MFN1: variants seen among roughly 807,000 people sequenced by gnomAD.
MFN1 encodes the protein mitofusin 1.
MFN1 carries 65 observed loss-of-function variants against 92.4 expected under a neutral mutation model. The observed-to-expected ratio is 0.70, with a 90% CI of 0.58 to 0.86. The LOEUF (loss-of-function observed/expected upper bound fraction) is 0.86, where lower values mean the gene tolerates loss of function less well. Ranked by LOEUF, MFN1 falls within the 40% of genes least tolerant of loss-of-function variation. The pLI is 0.00. For missense variants in MFN1, 781 were observed against 868.0 expected, an observed-to-expected ratio of 0.90 and a Z score of 1.26; for synonymous variants, 297 against 300.9, an observed-to-expected ratio of 0.99 and a Z score of 0.13.
At chr3:179,366,416 C>T (rs1257849463) in intron 7 of MFN1, among the ~76,000 whole-genome samples, 1 of 151,228 alleles carries the variant, frequency 6.6e-6, no homozygotes, top group Non-Finnish European at 1.5e-5. Context: ...TTAGTCACAC[C>T]AATTGTAGAA....
rs142767374 is a variant in MFN1 at position 179,383,286 on chromosome 3, T to C, written c.1663-2283T>C. Among the ~76,000 whole-genome samples the C allele has an allele frequency of 4.7e-3, 719 of 152,358 alleles. 20 individuals are homozygous for C. In the East Asian group the frequency reaches 0.053, roughly 11 times the overall value. ...GGATCCAGTTTCAGCTTTGTACATA[T>C]AGCTAGCCAGTTTTCCCAGCACCAT... is the stretch of plus-strand genomic sequence containing the variant. On this transcript the variant is annotated intron_variant, in intron 14 of 17. Coordinates refer to ENST00000471841, the MANE Select transcript of MFN1 (RefSeq NM_033540.3).
chr3:179,375,092 T>C, intron 9 of MFN1, 128 bp from the exon 10 acceptor site: 5 of 1,048,482 alleles, frequency 4.8e-6, no homozygotes, highest in Non-Finnish European at 6.5e-6. Context: ...TGTGCTTTTA[T>C]CACTCATTTG....
At chr3:179,389,477 C>G (rs963556594) in intron 16 of MFN1, among the ~76,000 whole-genome samples, 1 of 151,908 alleles carries the variant, frequency 6.6e-6, no homozygotes, top group African/African-American at 2.4e-5. Flanking sequence ...TAATATTTAA[C>G]AAAATATTAA....
chr3:179,367,882 C>T (rs1577008079), intron 8 of MFN1, among the ~76,000 whole-genome samples, 154 bp from the exon 9 acceptor site: 1 of 150,082 alleles, frequency 6.7e-6, no homozygotes, highest in East Asian at 2.0e-4. Context: ...AAGATTGCGC[C>T]ATTGCACTCC....
Position 179,356,923 on chromosome 3 carries a change from T to TG in MFN1, c.249-1910dup, listed in dbSNP as rs552060862. Among the ~76,000 whole-genome samples the TG allele has an allele frequency of 3.0e-4, 45 of 152,086 alleles. No individual in the cohort carries two copies. The East Asian group carries it at 7.0e-3, about 24-fold the overall frequency. ...ATCGTAGGGTCACCAAATGAGGAGA[T>TG]GGGGGGGAACCTTAATCCATCTCCC... On this transcript the variant is annotated intron_variant, in intron 3 of 17. Transcript: ENST00000471841.
chr3:179,379,057 A>G (rs1035504257), intron 14 of MFN1, among the ~76,000 whole-genome samples: 6 of 152,212 alleles, frequency 3.9e-5, no homozygotes, highest in African/African-American at 9.6e-5. Context: ...CCAGACCTCA[A>G]TGAGGTCATA....
rs1714010699 is a variant in MFN1 at position 179,394,301 on chromosome 3, TAG to T, written c.*2243_*2244del. On this transcript the variant is annotated 3_prime_UTR_variant, in exon 18 of 18. Coordinates refer to ENST00000471841, the MANE Select transcript of MFN1 (RefSeq NM_033540.3). ...AGTGAAATTGGGGTACCACTGGTAT[TAG>T]GTTTGGTATGGCAACTTTTTCATCA... is the stretch of plus-strand genomic sequence containing the variant. The T allele has an allele frequency of 6.6e-6, 1 of 152,154 alleles. No homozygotes were observed. The highest frequency in any genetic ancestry group is 1.5e-5 in the Non-Finnish European group (1 of 68,050). The allele number at this position is 152,154 out of a possible 1,614,324, so 9.4% of individuals were successfully genotyped here. A position where few individuals can be genotyped will look rare whatever the true frequency, so the allele number is the denominator to read the frequency against.
intron 5 of MFN1, 53 bp from the exon 6 acceptor site, chr3:179,364,244 C>T (rs894334426): frequency 3.1e-6 from 4 of 1,270,504 alleles, no homozygotes; most frequent in African/African-American, 1.6e-5. Context: ...AATTCTGTAA[C>T]CCAAATTTTC....
In MFN1 at chr3:179,361,539, T is replaced by TA. The variant is rs1217733638; in HGVS notation, c.412-819_412-818insA. The stretch of plus-strand genomic sequence containing the variant: ...GTGTACCCAAATGTTTATCTCTCAC[T>TA]TTTTTTTTTTTTTTGGAGACAGAGT... On this transcript the variant is annotated intron_variant, in intron 4 of 17. Coordinates refer to ENST00000471841, the MANE Select transcript of MFN1 (RefSeq NM_033540.3). 5.8e-5 allele frequency among the ~76,000 whole-genome samples: 8 copies of TA among 137,320 alleles called. No homozygotes were observed. The East Asian group carries it at 1.1e-3, about 18-fold the overall frequency. 90.1% of individuals were successfully genotyped at this position (137,320 alleles called of 152,430 possible).
chr3:179,383,326 A>C (rs1382202242), intron 14 of MFN1, among the ~76,000 whole-genome samples: 2 of 152,198 alleles, frequency 1.3e-5, no homozygotes, highest in Non-Finnish European at 2.9e-5. Flanking sequence ...TAAATAGGGA[A>C]TCCTTTCCCC....
chr3:179,380,312 A>T (rs910506248), intron 14 of MFN1, among the ~76,000 whole-genome samples: 2 of 152,242 alleles, frequency 1.3e-5, no homozygotes, highest in Non-Finnish European at 2.9e-5. Flanking sequence ...GACAGCCCCT[A>T]CAAGAATAAA....
chr3:179,358,995 G>A lies in MFN1; in HGVS notation c.404G>A (p.Ser135Asn), dbSNP rs983490620. The change falls in exon 4 of 18, where the codon AGT (serine) becomes AAT (asparagine). Residue 135 changes from serine (S) to asparagine (N), a missense_variant. Ser to Asn is a conservative substitution (Grantham distance 46). Coordinates refer to ENST00000471841, the MANE Select transcript of MFN1 (RefSeq NM_033540.3). ...LMTEGSDEKK[S>N]VKTVNQLAHA... Reference sequence around the variant, plus strand: ...ACAGAAGGATCAGATGAAAAAAAGAGTGTGAAGGTATGATCTTTAACCTTT... The same window carrying A: ...ACAGAAGGATCAGATGAAAAAAAGAATGTGAAGGTATGATCTTTAACCTTT... The A allele has an allele frequency of 2.5e-6, 4 of 1,613,402 alleles. No homozygotes were observed. In the African/African-American group the frequency reaches 5.3e-5, roughly 22 times the overall value.
At chr3:179,353,137 T>G (rs1037464073) in intron 3 of MFN1, among the ~76,000 whole-genome samples, 2 of 146,896 alleles carry the variant, frequency 1.4e-5, no homozygotes, top group African/African-American at 5.1e-5. Context: ...CACTGCAACC[T>G]CCGCCTCCCG....
chr3:179,374,251 C>T (rs901778538), intron 9 of MFN1, among the ~76,000 whole-genome samples: 10 of 149,414 alleles, frequency 6.7e-5, no homozygotes, highest in Admixed American at 2.7e-4. Flanking sequence ...TGCAGTGAGT[C>T]GAGATCATGC....
intron 2 of MFN1, among the ~76,000 whole-genome samples, chr3:179,349,254 T>C (rs1441365960): frequency 1.3e-5 from 2 of 152,186 alleles, no homozygotes; most frequent in Admixed American, 1.3e-4. Context: ...ATCTGTCATT[T>C]TAAAGATGAA....
chr3:179,361,112 C>T (rs1043674298), intron 4 of MFN1, among the ~76,000 whole-genome samples: 4 of 151,860 alleles, frequency 2.6e-5, no homozygotes, highest in Admixed American at 6.6e-5. Context: ...GACACTGTCT[C>T]GAAAAGAAAA....
intron 7 of MFN1, among the ~76,000 whole-genome samples, chr3:179,366,036 G>A (rs1340744076): frequency 6.6e-6 from 1 of 152,180 alleles, no homozygotes; most frequent in African/African-American, 2.4e-5. Context: ...CAGTGTGGAG[G>A]ATGGACAGTT....
rs375667713 is a variant in MFN1, at chr3:179,386,430, C to T, written c.1816-3C>T. On this transcript the variant is annotated splice_polypyrimidine_tract_variant and splice_region_variant and intron_variant, in intron 15 of 17. Coordinates refer to ENST00000471841, the MANE Select transcript of MFN1 (RefSeq NM_033540.3). ...CAGACTAAGCTATGACTTTATCTTA[C>T]AGATTTGGAAAACTATAGGCTGGAA... 3.1e-6 allele frequency: 5 copies of T among 1,609,144 alleles called. No homozygotes were observed. The highest frequency in any genetic ancestry group is 1.1e-5 in the South Asian group (1 of 90,298).
rs758761515 is a variant in MFN1, at chr3:179,378,634, A to G, written c.1482A>G (p.Thr494=). The G allele has an allele frequency of 1.9e-6, 3 of 1,613,592 alleles. No homozygotes were observed. Among genetic ancestry groups the G allele is most frequent in the Admixed American group, 1.7e-5 (1 of 59,986 alleles). ...LPAGIQDKLH[T]LIPCKKFDLS... ...CTGGTATACAGGATAAACTACATACACTGATCCCTTGCAAGAAATTTGATC... is the reference window on the plus strand; with the variant it reads ...CTGGTATACAGGATAAACTACATACGCTGATCCCTTGCAAGAAATTTGATC... The change falls in exon 14 of 18, where the codon ACA becomes ACG. Residue 494 remains threonine (T), a synonymous_variant. Transcript: ENST00000471841.
Sources: allele counts gnomAD v4.1 joint callset (sites outside exome capture counted in the v4.1 genomes callset), GRCh38; gene constraint gnomAD v4.1.1; transcripts MANE v1.5; gene names NCBI Gene and HGNC (gene_info 2026-07-23, HGNC 2026-07-21).